ATP2B4: variants seen among roughly 807,000 people sequenced by gnomAD.
ATP2B4 encodes ATPase plasma membrane Ca2+ transporting 4, also known as plasma membrane calcium-transporting ATPase 4.
A neutral mutation model predicts 110.3 loss-of-function variants in ATP2B4; 39 were observed. The ratio of observed to expected loss-of-function variants is 0.35; its 90% CI spans 0.27 to 0.46. The LOEUF is 0.46. ATP2B4 is among the 20% of genes least tolerant of loss of function. The pLI, the probability that ATP2B4 is intolerant of heterozygous loss-of-function variation, is 1.00. For missense variants in ATP2B4, 1,135 were observed against 1,530.9 expected (o/e 0.74, Z 4.32); for synonymous variants, 538 against 571.7 (o/e 0.94, Z 0.84).
In ATP2B4 at chr1:203,682,731, C is replaced by G. The variant is rs1031513641; in HGVS notation, c.-464-11C>G. ...GGTTTCTTTTTGTCTATCTTTGAAC[C>G]TTTATTCCAGAGATCCAGTTGTCAT... On this transcript the variant is annotated splice_polypyrimidine_tract_variant and intron_variant, in intron 1 of 20. Transcript: ENST00000357681. 1 of 153,636 alleles carries G rather than the reference C, an allele frequency of 6.5e-6. No homozygotes were observed. The highest frequency in any genetic ancestry group is 2.4e-5 in the African/African-American group (1 of 41,448). 9.5% of individuals were successfully genotyped at this position (153,636 alleles called of 1,614,324 possible).
At chr1:203,652,733 A>T (rs909788914) in intron 1 of ATP2B4, among the ~76,000 whole-genome samples, 2 of 152,148 alleles carry the variant, frequency 1.3e-5, no homozygotes, top group African/African-American at 2.4e-5. Flanking sequence ...TTACTAATAG[A>T]ATTGTTTTGG....
At chr1:203,650,814 T>C (rs1037620287) in intron 1 of ATP2B4, among the ~76,000 whole-genome samples, 1 of 152,256 alleles carries the variant, frequency 6.6e-6, no homozygotes, top group Non-Finnish European at 1.5e-5. Flanking sequence ...TGCCCCTCAC[T>C]GTACTCCCAC....
chr1:203,639,466 T>C (rs2102303360), intron 1 of ATP2B4, among the ~76,000 whole-genome samples: 1 of 152,240 alleles, frequency 6.6e-6, no homozygotes, highest in African/African-American at 2.4e-5. Flanking sequence ...CCCCGCTTGT[T>C]GGTAGTGCTC....
chr1:203,645,606 T>C lies in ATP2B4; in HGVS notation c.-465+18387T>C, dbSNP rs1359770218. Among the ~76,000 whole-genome samples the C allele has an allele frequency of 7.3e-5, 11 of 150,968 alleles. No homozygotes were observed. In the East Asian group the frequency reaches 2.1e-3, roughly 29 times the overall value. On this transcript the variant is annotated intron_variant, in intron 1 of 20. Transcript: ENST00000357681. ...CTTTTCTTTCTTTTTTTTTTTTTTTTCTGGAGATGGAATCTTACTCTGTCA... is the reference window on the plus strand; with the variant it reads ...CTTTTCTTTCTTTTTTTTTTTTTTTCCTGGAGATGGAATCTTACTCTGTCA...
rs1666980235 is a variant in ATP2B4, at chr1:203,740,691, G to A, written c.*837G>A. 1 of 152,222 alleles carries A rather than the reference G, an allele frequency of 6.6e-6. No homozygotes were observed. Among genetic ancestry groups the A allele is most frequent in the South Asian group, 2.1e-4 (1 of 4,834 alleles). The allele number at this position is 152,222 out of a possible 1,614,324, so 9.4% of individuals were successfully genotyped here. A position where few individuals can be genotyped will look rare whatever the true frequency, so the allele number is the denominator to read the frequency against. ...AGTGTATGTGGTTCTTAAGTGCCAG[G>A]GAGATCAGCCTTGCCCATGAAGGTT... On this transcript the variant is annotated 3_prime_UTR_variant, in exon 21 of 21. Transcript: ENST00000357681.
At chr1:203,726,096 G>C (rs371936717) in intron 19 of ATP2B4, among the ~76,000 whole-genome samples, 1 of 148,668 alleles carries the variant, frequency 6.7e-6, no homozygotes, top group African/African-American at 2.5e-5. Context: ...AAAATTGGCC[G>C]GGCATGGTGA....
rs772855970 is a variant in ATP2B4, at chr1:203,713,155, G to A, written c.2212-10G>A. The A allele has an allele frequency of 1.9e-6, 3 of 1,614,144 alleles. No individual in the cohort carries two copies. The highest frequency in any genetic ancestry group is 1.7e-6 in the Non-Finnish European group (2 of 1,180,002). On this transcript the variant is annotated splice_polypyrimidine_tract_variant and intron_variant, in intron 13 of 20. Coordinates refer to ENST00000357681, the MANE Select transcript of ATP2B4 (RefSeq NM_001684.5). ...ATTTGACTGATCCAGGTGTGGTCTGGTGTTGGCAGGTAGAGCAAGAAAAGC... is the reference window on the plus strand; with the variant it reads ...ATTTGACTGATCCAGGTGTGGTCTGATGTTGGCAGGTAGAGCAAGAAAAGC...
At chr1:203,700,094 A>G in intron 4 of ATP2B4, 112 bp from the exon 5 acceptor site, 1 of 1,294,462 alleles carries the variant, frequency 7.7e-7, no homozygotes, top group Non-Finnish European at 1.1e-6. Flanking sequence ...TGCTGTCTAG[A>G]TAGGGCCCAT....
intron 16 of ATP2B4, 145 bp from the exon 17 acceptor site, chr1:203,721,052 A>G: frequency 1.2e-6 from 1 of 854,720 alleles, no homozygotes; most frequent in Non-Finnish European, 1.8e-6. Context: ...AGGCTCAAGG[A>G]AGTTAAGTAG....
intron 14 of ATP2B4, 52 bp downstream of exon 14, chr1:203,713,304 C>T (rs373015203): frequency 7.7e-5 from 124 of 1,603,102 alleles, no homozygotes; most frequent in Non-Finnish European, 9.7e-5. Context: ...CAGGCCAGGG[C>T]GAGGACAGAT....
rs1157741431 is a variant in ATP2B4 at position 203,689,464 on chromosome 1, G to A, written c.193+6066G>A. 2.6e-5 allele frequency among the ~76,000 whole-genome samples: 4 copies of A among 152,190 alleles called. 1 individual carries two copies. The highest frequency in any genetic ancestry group is 9.7e-5 in the African/African-American group (4 of 41,442). ...CAGAATGGGAAACAAGGGGAGCCTT[G>A]AATAAACAGCAAATTATTAACTGTA... is the stretch of plus-strand genomic sequence containing the variant. On this transcript the variant is annotated intron_variant, in intron 2 of 20. Transcript: ENST00000357681.
chr1:203,646,287 AGTG>A (rs1327815232), intron 1 of ATP2B4, among the ~76,000 whole-genome samples: 3 of 151,940 alleles, frequency 2.0e-5, no homozygotes, highest in African/African-American at 7.3e-5. Context: ...ACAGCTACCA[AGTG>A]GTGGTTGTGG....
At chr1:203,680,634 A>G (rs537840811) in intron 1 of ATP2B4, among the ~76,000 whole-genome samples, 19 of 151,364 alleles carry the variant, frequency 1.3e-4, no homozygotes, top group Admixed American at 1.2e-3. Flanking sequence ...AAAAGATCAA[A>G]TTAGGCTTTC....
intron 1 of ATP2B4, among the ~76,000 whole-genome samples, chr1:203,650,309 G>C (rs1663940820): frequency 6.6e-6 from 1 of 152,146 alleles, no homozygotes; most frequent in Non-Finnish European, 1.5e-5. Context: ...TGAGGGGCAG[G>C]GTGAGAACTG....
intron 6 of ATP2B4, among the ~76,000 whole-genome samples, chr1:203,701,697 T>C (rs1051872419): frequency 6.6e-6 from 1 of 152,194 alleles, no homozygotes; most frequent in African/African-American, 2.4e-5. Flanking sequence ...GGAGACACCT[T>C]TCAAAGTCTT....
chr1:203,684,683 A>G (rs1377582748), intron 2 of ATP2B4, among the ~76,000 whole-genome samples: 1 of 152,058 alleles, frequency 6.6e-6, no homozygotes, highest in Non-Finnish European at 1.5e-5. Context: ...TTAAATAAAA[A>G]GAAAAAAAAA....
At chr1:203,733,154 C>T in intron 20 of ATP2B4, 1 of 1,459,860 alleles carries the variant, frequency 6.8e-7, no homozygotes, top group South Asian at 1.3e-5. Flanking sequence ...ATGACCCTCC[C>T]TTCCTCTTTC....
chr1:203,630,872 G>C (rs1663247800), intron 1 of ATP2B4, among the ~76,000 whole-genome samples: 1 of 152,242 alleles, frequency 6.6e-6, no homozygotes, highest in African/African-American at 2.4e-5. Context: ...CATAGGATTA[G>C]AGCAGGCCCT....
At chr1:203,630,936 C>T (rs1413182699) in intron 1 of ATP2B4, among the ~76,000 whole-genome samples, 1 of 152,250 alleles carries the variant, frequency 6.6e-6, no homozygotes, top group African/African-American at 2.4e-5. Context: ...GCTTCCTCTG[C>T]CAGTATCTCT....
Sources: allele counts gnomAD v4.1 joint callset (sites outside exome capture counted in the v4.1 genomes callset), GRCh38; gene constraint gnomAD v4.1.1; transcripts MANE v1.5; gene names NCBI Gene and HGNC (gene_info 2026-07-23, HGNC 2026-07-21).